The following JPH2 variants were observed in gnomAD, a reference collection of about 807,000 sequenced individuals.
The protein encoded by JPH2 is junctophilin-2.
In JPH2, 38 loss-of-function variants were observed where a neutral mutation model predicts 55.9. The ratio of observed to expected loss-of-function variants is 0.68; its 90% CI spans 0.52 to 0.89. The LOEUF (loss-of-function observed/expected upper bound fraction) is 0.89, where lower values mean the gene tolerates loss of function less well. JPH2 is among the 40% of genes least tolerant of loss of function. The pLI, the probability that JPH2 is intolerant of heterozygous loss-of-function variation, is 0.00. For synonymous variants in JPH2, 480 were observed against 472.4 expected (o/e 1.02, Z -0.21); for missense variants, 964 against 1,037.6 (o/e 0.93, Z 0.97).
intron 2 of JPH2, among the ~76,000 whole-genome samples, chr20:44,147,407 C>T (rs563066014): frequency 1.8e-4 from 27 of 152,338 alleles, no homozygotes; most frequent in African/African-American, 6.3e-4. Context: ...TACGGACTAG[C>T]ATACAGCTGC....
intron 2 of JPH2, among the ~76,000 whole-genome samples, chr20:44,145,054 C>T (rs1272528647): frequency 1.3e-5 from 2 of 152,158 alleles, no homozygotes; most frequent in African/African-American, 4.8e-5. Context: ...GACTAGAGCC[C>T]AGGCCCTGAC....
At chr20:44,185,038 AGTGCT>A (rs1211241603) in intron 1 of JPH2, among the ~76,000 whole-genome samples, 1 of 152,168 alleles carries the variant, frequency 6.6e-6, no homozygotes, top group Non-Finnish European at 1.5e-5. Context: ...AGCTTCCCAA[AGTGCT>A]GAGATTACAG....
rs143842818 is a variant in JPH2, at chr20:44,115,460, G to A, written c.2010+205C>T. Among the ~76,000 whole-genome samples, 616 of 152,266 alleles carry A rather than the reference G, an allele frequency of 4.0e-3. 2 individuals carry two copies. Among genetic ancestry groups the A allele is most frequent in the Non-Finnish European group, 6.8e-3 (464 of 67,998 alleles). The stretch of plus-strand genomic sequence containing the variant: ...GTGCAAAGGTAGGAGGACTCCATGC[G>A]GCCATTTACGCTCCAACGTCCTCTG... On this transcript the variant is annotated intron_variant, in intron 4 of 5. Coordinates refer to ENST00000372980, the MANE Select transcript of JPH2 (RefSeq NM_020433.5).
chr20:44,116,762 C>G (rs1342570485), intron 3 of JPH2, among the ~76,000 whole-genome samples: 2 of 152,228 alleles, frequency 1.3e-5, no homozygotes, highest in Admixed American at 1.3e-4. Context: ...CTGATCATAC[C>G]TATTTTATAA....
chr20:44,167,452 G>A (rs974665313), intron 1 of JPH2, among the ~76,000 whole-genome samples: 8 of 152,018 alleles, frequency 5.3e-5, no homozygotes, highest in African/African-American at 1.2e-4. Flanking sequence ...CTCATGACTC[G>A]GCATGCAGTA....
intron 2 of JPH2, among the ~76,000 whole-genome samples, chr20:44,153,510 G>A (rs532122832): frequency 6.6e-5 from 10 of 152,290 alleles, no homozygotes; most frequent in Admixed American, 3.3e-4. Flanking sequence ...GATCAGCTTC[G>A]GAGTTTCCAG....
Position 44,143,411 on chromosome 20 carries a change from T to G in JPH2, c.1169+16207A>C, listed in dbSNP as rs539200347. ...GTCCCACGCAAGCACAGCTGTCCAA[T>G]TCCTGCCCAGAGCCTGCTCTGAGGC... is the stretch of plus-strand genomic sequence containing the variant. On this transcript the variant is annotated intron_variant, in intron 2 of 5. Transcript: ENST00000372980. 8.5e-5 allele frequency among the ~76,000 whole-genome samples: 13 copies of G among 152,278 alleles called. No homozygotes were observed. In the East Asian group the frequency reaches 2.5e-3, roughly 29 times the overall value.
intron 2 of JPH2, among the ~76,000 whole-genome samples, chr20:44,149,416 A>G (rs559621535): frequency 2.6e-5 from 4 of 152,350 alleles, no homozygotes; most frequent in Admixed American, 1.3e-4. Context: ...GCACACATAT[A>G]TGATTTCTCC....
At chr20:44,185,669 A>ATGGATGGATG (rs374943774) in intron 1 of JPH2, among the ~76,000 whole-genome samples, 8 of 148,048 alleles carry the variant, frequency 5.4e-5, no homozygotes, top group African/African-American at 1.5e-4. Flanking sequence ...GATGGATCAT[A>ATGGATGGATG]GATGGATGGA....
In JPH2 at chr20:44,115,678, A is replaced by ACCTCCG; in HGVS notation, c.1991_1996dup (p.Ala664_Glu665dup). ...CGACAGCCTCACCTCTTCCACCTCC[A>ACCTCCG]CCTCCGCCTCTGCCGCCAGTGCGGC... On this transcript the variant is annotated inframe_insertion, in exon 4 of 6. Transcript: ENST00000372980. 2 of 1,609,834 alleles carry ACCTCCG rather than the reference A, an allele frequency of 1.2e-6. No homozygotes were observed. Among genetic ancestry groups the ACCTCCG allele is most frequent in the Non-Finnish European group, 1.7e-6 (2 of 1,179,432 alleles).
rs1285385494 is a variant in JPH2, at chr20:44,112,768, C to T, written c.*750G>A. Reference sequence around the variant, plus strand: ...TCCAAAACAGGCCATCATCACTGCACCTTAACCCCTCTTCCCACCCTGCCC... The same window carrying T: ...TCCAAAACAGGCCATCATCACTGCATCTTAACCCCTCTTCCCACCCTGCCC... On this transcript the variant is annotated 3_prime_UTR_variant, in exon 6 of 6. Transcript: ENST00000372980. 2 of 140,768 alleles carry T rather than the reference C, an allele frequency of 1.4e-5. No homozygotes were observed. Among genetic ancestry groups the T allele is most frequent in the African/African-American group, 2.8e-5 (1 of 35,746 alleles). The allele number at this position is 140,768 out of a possible 1,614,324, so 8.7% of individuals were successfully genotyped here.
At chr20:44,164,235 C>T (rs138983891) in intron 1 of JPH2, among the ~76,000 whole-genome samples, 3 of 152,250 alleles carry the variant, frequency 2.0e-5, no homozygotes, top group Non-Finnish European at 4.4e-5. Context: ...GATGGGAAAC[C>T]AACAGGTCGC....
chr20:44,180,344 T>A (rs2072770403), intron 1 of JPH2, among the ~76,000 whole-genome samples: 1 of 152,102 alleles, frequency 6.6e-6, no homozygotes, highest in Non-Finnish European at 1.5e-5. Context: ...TATTTTATTT[T>A]TTTTTGACAC....
chr20:44,186,701 C>G lies in JPH2; in HGVS notation c.5G>C (p.Ser2Thr), dbSNP rs771997292. The G allele has an allele frequency of 6.3e-7, 1 of 1,599,008 alleles. No homozygotes were observed. The highest frequency in any genetic ancestry group is 8.5e-7 in the Non-Finnish European group (1 of 1,179,592). Residue 2 changes from serine to threonine, a missense_variant, in exon 1 of 6, where the codon AGT becomes ACT. Physicochemically the swap from Ser to Thr is moderately conservative, Grantham distance 58. Coordinates refer to ENST00000372980, the MANE Select transcript of JPH2 (RefSeq NM_020433.5). MSGGRFDFDDGG... is the reference protein window; with the variant it reads MTGGRFDFDDGG... ...ATCATCAAAGTCGAAGCGGCCCCCA[C>G]TCATCTCATCATAGCCCCTGACAAC...
At chr20:44,166,858 T>A (rs1360118462) in intron 1 of JPH2, among the ~76,000 whole-genome samples, 2 of 152,186 alleles carry the variant, frequency 1.3e-5, no homozygotes, top group East Asian at 3.9e-4. Flanking sequence ...GCCTCCTCAC[T>A]GAGCTTTGTA....
intron 2 of JPH2, among the ~76,000 whole-genome samples, chr20:44,134,228 A>ATAAATATTTAT (rs1306561725): frequency 3.6e-5 from 2 of 56,134 alleles, no homozygotes; most frequent in African/African-American, 1.5e-4. Flanking sequence ...TTATAAATAT[A>ATAAATATTTAT]TATAAATATT....
chr20:44,162,785 T>TAC (rs1430891241), intron 1 of JPH2, among the ~76,000 whole-genome samples: 128 of 49,984 alleles, frequency 2.6e-3, no homozygotes, highest in Non-Finnish European at 3.3e-3. Flanking sequence ...TATATATATA[T>TAC]ATACACACAC....
chr20:44,185,143 G>GA (rs960972859), intron 1 of JPH2, among the ~76,000 whole-genome samples: 6 of 151,806 alleles, frequency 4.0e-5, no homozygotes, highest in Non-Finnish European at 7.4e-5. Context: ...TACAAAAAAA[G>GA]AAAAAACAAT....
intron 2 of JPH2, among the ~76,000 whole-genome samples, chr20:44,154,656 C>T (rs762863928): frequency 4.6e-5 from 7 of 152,304 alleles, no homozygotes; most frequent in South Asian, 2.1e-4. Flanking sequence ...AGAGAAAGCC[C>T]GGGCCTGCCT....
Sources: allele counts gnomAD v4.1 joint callset (sites outside exome capture counted in the v4.1 genomes callset), GRCh38; gene constraint gnomAD v4.1.1; transcripts MANE v1.5; gene names NCBI Gene and HGNC (gene_info 2026-07-23, HGNC 2026-07-21).